Variants in PTGER3 observed in about 807,000 individuals in gnomAD.
PTGER3 encodes the protein prostaglandin E receptor 3, also known as prostaglandin E2 receptor EP3 subtype.
In PTGER3, 22 loss-of-function variants were observed where a neutral mutation model predicts 34.7. The observed-to-expected ratio is 0.63, with a 90% confidence interval of 0.45 to 0.91. The LOEUF is 0.91. Among genes scored for constraint, PTGER3 ranks in the 40% least tolerant of loss-of-function variants. The pLI, the probability that PTGER3 is intolerant of heterozygous loss-of-function variation, is 0.00. For synonymous variants in PTGER3, 241 were observed against 230.1 expected (o/e 1.05, Z -0.43); for missense variants, 468 against 519.4 (o/e 0.90, Z 0.96).
intron 2 of PTGER3, among the ~76,000 whole-genome samples, chr1:70,962,155 C>G (rs1651993687): frequency 6.6e-6 from 1 of 152,164 alleles, no homozygotes; most frequent in South Asian, 2.1e-4. Context: ...AGTCAGGATT[C>G]AAACCCACAG....
chr1:70,922,493 G>T (rs896308534), intron 4 of PTGER3, among the ~76,000 whole-genome samples: 1 of 152,140 alleles, frequency 6.6e-6, no homozygotes, highest in Non-Finnish European at 1.5e-5. Flanking sequence ...AGCTAGGTAA[G>T]GCCTGGGACA....
intron 4 of PTGER3, among the ~76,000 whole-genome samples, chr1:70,883,558 G>T (rs1397166111): frequency 6.6e-6 from 1 of 152,062 alleles, no homozygotes; most frequent in Non-Finnish European, 1.5e-5. Flanking sequence ...TTACAAGTAA[G>T]ATTTTAATCT....
intron 2 of PTGER3, chr1:71,010,507 C>T (rs912812877): frequency 1.0e-6 from 1 of 983,826 alleles, no homozygotes; most frequent in African/African-American, 1.8e-5. Flanking sequence ...ATGCTCATGC[C>T]ACTCAAATTC....
chr1:70,973,026 C>CA (rs1056379714), intron 3 of PTGER3, among the ~76,000 whole-genome samples: 3 of 111,522 alleles, frequency 2.7e-5, no homozygotes. Context: ...GTGAACCTAC[C>CA]AAAAAAGAGA....
At chr1:70,895,107 T>A (rs1304221556) in intron 4 of PTGER3, among the ~76,000 whole-genome samples, 1 of 152,166 alleles carries the variant, frequency 6.6e-6, no homozygotes, top group Non-Finnish European at 1.5e-5. Flanking sequence ...CAATACTGAG[T>A]TCCCCCCAGC....
chr1:70,918,351 G>T (rs561540975), intron 4 of PTGER3, among the ~76,000 whole-genome samples: 2 of 151,812 alleles, frequency 1.3e-5, no homozygotes, highest in Non-Finnish European at 2.9e-5. Flanking sequence ...TAATTTTTTT[G>T]AATAAGATCT....
intron 1 of PTGER3, among the ~76,000 whole-genome samples, chr1:71,030,683 A>T (rs1015195178): frequency 9.2e-5 from 14 of 152,184 alleles, no homozygotes; most frequent in African/African-American, 3.4e-4. Flanking sequence ...TTACTGTCAG[A>T]CAAGTGAAAA....
chr1:70,949,751 A>G (rs113446720), downstream of PTGER3, among the ~76,000 whole-genome samples: 476 of 152,296 alleles, frequency 3.1e-3, 2 homozygotes, highest in African/African-American at 0.011. Flanking sequence ...ACTGTTCAAT[A>G]CAACTTTCTA....
intron 2 of PTGER3, 141 bp from the exon 3 acceptor site, chr1:70,974,529 T>G: frequency 1.7e-6 from 1 of 581,544 alleles, no homozygotes; most frequent in Non-Finnish European, 3.1e-6. Flanking sequence ...ACCATCTCAT[T>G]TCTACTTCCA....
At chr1:70,863,062 G>A (rs1249081239) in intron 4 of PTGER3, among the ~76,000 whole-genome samples, 4 of 151,884 alleles carry the variant, frequency 2.6e-5, no homozygotes, top group Admixed American at 2.0e-4. Context: ...AGAAGGGGGC[G>A]GCCGATGCCC....
intron 4 of PTGER3, among the ~76,000 whole-genome samples, chr1:70,922,149 G>T (rs972607393): frequency 3.6e-4 from 55 of 152,162 alleles, no homozygotes; most frequent in Admixed American, 1.2e-3. Context: ...AATCTTCCTT[G>T]GAGATATCAG....
chr1:71,041,086 G>C (rs879647340), intron 1 of PTGER3, among the ~76,000 whole-genome samples: 24 of 152,210 alleles, frequency 1.6e-4, no homozygotes, highest in Admixed American at 3.9e-4. Flanking sequence ...AATTACAGAT[G>C]TTCCTCAACT....
intron 3 of PTGER3, among the ~76,000 whole-genome samples, chr1:70,972,401 C>A (rs1050891885): frequency 5.3e-5 from 8 of 151,990 alleles, no homozygotes; most frequent in Non-Finnish European, 8.8e-5. Flanking sequence ...TAGTATAAAG[C>A]AAATTTTTTC....
intron 4 of PTGER3, among the ~76,000 whole-genome samples, chr1:70,939,267 T>A (rs187589165): frequency 5.9e-5 from 9 of 152,324 alleles, no homozygotes; most frequent in Admixed American, 5.9e-4. Context: ...TCCCATGGTC[T>A]TGGGCAGCTC....
downstream of PTGER3, among the ~76,000 whole-genome samples, chr1:70,966,309 A>G (rs577358851): frequency 5.5e-4 from 84 of 152,278 alleles, 2 homozygotes; most frequent in Non-Finnish European, 2.5e-4. Flanking sequence ...TGCTCAGGTG[A>G]TGGGTTCACC....
In PTGER3 at chr1:70,871,739, A is replaced by G. The variant is rs111286765; in HGVS notation, c.*24-18880T>C. ...ATTACCTAATGAGCTAGAGGCATAC[A>G]TTAGATGCAGAAATATCAACCTTCC... On this transcript the variant is annotated intron_variant, in intron 4 of 4. Coordinates refer to the PTGER3 transcript ENST00000370931. Among the ~76,000 whole-genome samples, 1,187 of 152,316 alleles carry G rather than the reference A, an allele frequency of 7.8e-3. 14 individuals are homozygous for G. The highest frequency in any genetic ancestry group is 0.028 in the African/African-American group (1,144 of 41,564).
chr1:70,893,938 C>T (rs926785197), intron 4 of PTGER3, among the ~76,000 whole-genome samples: 1 of 152,132 alleles, frequency 6.6e-6, no homozygotes, highest in African/African-American at 2.4e-5. Flanking sequence ...CTACACATAA[C>T]AGCCTTATTA....
chr1:70,925,616 T>C (rs1438942181), intron 4 of PTGER3, among the ~76,000 whole-genome samples: 1 of 152,152 alleles, frequency 6.6e-6, no homozygotes, highest in Non-Finnish European at 1.5e-5. Flanking sequence ...CACAGCTTCA[T>C]GCAAAAATAA....
chr1:70,977,744 G>C (rs1351223444), intron 2 of PTGER3, among the ~76,000 whole-genome samples: 1 of 151,978 alleles, frequency 6.6e-6, no homozygotes, highest in East Asian at 1.9e-4. Context: ...TTTCAGATAT[G>C]TGGAAGTTTC....
Sources: allele counts gnomAD v4.1 joint callset (sites outside exome capture counted in the v4.1 genomes callset), GRCh38; gene constraint gnomAD v4.1.1; transcripts MANE v1.5; gene names NCBI Gene and HGNC (gene_info 2026-07-23, HGNC 2026-07-21).